The following MICAL2 variants were observed in gnomAD, a reference collection of about 807,000 sequenced individuals.
The protein encoded by MICAL2 is [F-actin]-monooxygenase MICAL2.
A neutral mutation model predicts 127.3 loss-of-function variants in MICAL2; 77 were observed. That is an observed-to-expected ratio of 0.60 (90% CI 0.50 to 0.73). The LOEUF (loss-of-function observed/expected upper bound fraction) is 0.73, where lower values mean the gene tolerates loss of function less well. Ranked by LOEUF, MICAL2 falls within the 30% of genes least tolerant of loss-of-function variation. The pLI is 0.00. For missense variants in MICAL2, 1,351 were observed against 1,434.4 expected (o/e 0.94, Z 0.94); for synonymous variants, 570 against 551.1 (o/e 1.03, Z -0.48).
intron 32 of MICAL2, among the ~76,000 whole-genome samples, chr11:12,334,213 G>C (rs1032895154): frequency 2.6e-5 from 4 of 152,112 alleles, no homozygotes; most frequent in South Asian, 2.1e-4. Flanking sequence ...CAAAATTTGA[G>C]GATGCTCAAG....
chr11:12,301,519 G>C (rs1433921567), intron 29 of MICAL2, among the ~76,000 whole-genome samples: 1 of 152,192 alleles, frequency 6.6e-6, no homozygotes, highest in Non-Finnish European at 1.5e-5. Context: ...TATTGCTAAA[G>C]ATAAATAAAG....
intron 2 of MICAL2, among the ~76,000 whole-genome samples, chr11:12,159,605 T>A (rs1280062891): frequency 6.6e-6 from 1 of 152,236 alleles, no homozygotes; most frequent in Non-Finnish European, 1.5e-5. Context: ...TTCTCTGTAC[T>A]GCTTGCCTGT....
chr11:12,276,607 G>T (rs771355858), intron 1 of MICAL2: 3 of 153,842 alleles, frequency 2.0e-5, no homozygotes, highest in Non-Finnish European at 4.3e-5. Context: ...TGCCTTAGGT[G>T]ACTGTTTCTC....
intron 2 of MICAL2, among the ~76,000 whole-genome samples, chr11:12,144,621 G>A (rs1013240780): frequency 6.6e-6 from 1 of 152,108 alleles, no homozygotes; most frequent in Non-Finnish European, 1.5e-5. Flanking sequence ...AAATTGCAAC[G>A]GTTCTGCAGC....
chr11:12,353,040 G>T (rs761568937), intron 33 of MICAL2, among the ~76,000 whole-genome samples: 4 of 152,194 alleles, frequency 2.6e-5, no homozygotes, highest in Non-Finnish European at 5.9e-5. Context: ...GATCTGACCG[G>T]TCCATCTCCA....
intron 3 of MICAL2, among the ~76,000 whole-genome samples, chr11:12,168,235 CACACACAT>C (rs754190997): frequency 9.5e-4 from 144 of 150,790 alleles, no homozygotes; most frequent in Non-Finnish European, 1.6e-3. Flanking sequence ...ACACACACCA[CACACACAT>C]ACACACATAG....
intron 3 of MICAL2, among the ~76,000 whole-genome samples, chr11:12,172,336 C>G (rs899134664): frequency 6.6e-6 from 1 of 152,182 alleles, no homozygotes; most frequent in Non-Finnish European, 1.5e-5. Flanking sequence ...AGGTTGAGTT[C>G]TTCAAATGCA....
chr11:12,139,219 T>C (rs1311419467), intron 2 of MICAL2, among the ~76,000 whole-genome samples: 1 of 152,130 alleles, frequency 6.6e-6, no homozygotes, highest in Non-Finnish European at 1.5e-5. Flanking sequence ...TCCTCCCTCC[T>C]CCTCTGCCCT....
chr11:12,282,546 G>C (rs1292746175), intron 2 of MICAL2, among the ~76,000 whole-genome samples: 1 of 152,226 alleles, frequency 6.6e-6, no homozygotes, highest in Non-Finnish European at 1.5e-5. Flanking sequence ...AACAAAACCA[G>C]TTTAGGAGGG....
intron 3 of MICAL2, among the ~76,000 whole-genome samples, chr11:12,186,186 GAAAA>G (rs560146607): frequency 3.3e-4 from 51 of 152,368 alleles, no homozygotes; most frequent in African/African-American, 1.2e-3. Flanking sequence ...GTGGGTTTTG[GAAAA>G]CAAACAAGAT....
intron 26 of MICAL2, chr11:12,261,989 C>A (rs184513670): frequency 2.0e-6 from 2 of 1,000,200 alleles, no homozygotes; most frequent in Non-Finnish European, 1.2e-6. Context: ...GTGGAGTGTT[C>A]CATGAAGCCC....
intron 2 of MICAL2, among the ~76,000 whole-genome samples, chr11:12,147,445 A>G (rs1224358144): frequency 6.6e-6 from 1 of 152,262 alleles, no homozygotes; most frequent in African/African-American, 2.4e-5. Flanking sequence ...AAATACCATA[A>G]TACAGAAAGC....
At chr11:12,292,101 A>G, downstream of MICAL2, 2 of 1,584,098 alleles carry the variant, frequency 1.3e-6, no homozygotes, top group Non-Finnish European at 1.7e-6. Context: ...TTGATAAAAT[A>G]ATAACACCTT....
At chr11:12,180,069 C>A (rs145566065) in intron 3 of MICAL2, among the ~76,000 whole-genome samples, 8 of 152,214 alleles carry the variant, frequency 5.3e-5, no homozygotes, top group Non-Finnish European at 8.8e-5. Flanking sequence ...CCCTAACACA[C>A]TGAAATCAGG....
At chr11:12,242,098 C>T in intron 18 of MICAL2, 116 bp from the exon 19 acceptor site, 10 of 832,678 alleles carry the variant, frequency 1.2e-5, no homozygotes, top group Non-Finnish European at 1.8e-5. Context: ...TGGAATCTTA[C>T]TTAGGGTTGC....
At chr11:12,168,363 CACAT>C (rs1274053276) in intron 3 of MICAL2, among the ~76,000 whole-genome samples, 7 of 151,234 alleles carry the variant, frequency 4.6e-5, no homozygotes, top group African/African-American at 1.5e-4. Flanking sequence ...CACAAATACA[CACAT>C]ACACACACAT....
intron 1 of MICAL2, among the ~76,000 whole-genome samples, chr11:12,117,233 C>T: frequency 6.6e-6 from 1 of 152,190 alleles, no homozygotes; most frequent in Non-Finnish European, 1.5e-5. Context: ...GTTCTTTCTG[C>T]TGGCAGCAAG....
At chr11:12,143,520 T>C (rs1030635446) in intron 2 of MICAL2, among the ~76,000 whole-genome samples, 1 of 152,192 alleles carries the variant, frequency 6.6e-6, no homozygotes, top group African/African-American at 2.4e-5. Flanking sequence ...GGGGGCTCAT[T>C]TTCAGAGAGT....
intron 3 of MICAL2, among the ~76,000 whole-genome samples, chr11:12,180,030 T>G (rs1359618013): frequency 1.3e-5 from 2 of 152,244 alleles, no homozygotes; most frequent in East Asian, 3.8e-4. Flanking sequence ...CTGTACTCCT[T>G]GCTCCCATAT....
Sources: allele counts gnomAD v4.1 joint callset (sites outside exome capture counted in the v4.1 genomes callset), GRCh38; gene constraint gnomAD v4.1.1; transcripts MANE v1.5; gene names NCBI Gene and HGNC (gene_info 2026-07-23, HGNC 2026-07-21).